IL17F: variants seen among roughly 807,000 people sequenced by gnomAD.
IL17F encodes the protein interleukin-17F.
Under a neutral mutation model 8.3 loss-of-function variants are expected in IL17F, and 6 were observed. The observed-to-expected ratio is 0.73, with a 90% CI of 0.40 to 1.43. The LOEUF is 1.43. Among genes scored for constraint, IL17F ranks in the 40% most tolerant of loss-of-function variants. The pLI, the probability that IL17F is intolerant of heterozygous loss-of-function variation, is 0.02. For synonymous variants in IL17F, 98 were observed against 81.6 expected, an observed-to-expected ratio of 1.20 and a Z score of -1.08; for missense variants, 204 against 209.6, an observed-to-expected ratio of 0.97 and a Z score of 0.17.
intron 1 of IL17F, among the ~76,000 whole-genome samples, chr6:52,243,263 C>G (rs1162718754): frequency 1.3e-5 from 2 of 152,146 alleles, no homozygotes; most frequent in African/African-American, 4.8e-5. Flanking sequence ...TAATATGATG[C>G]GGGATTTCCT....
At position 52,238,949 on chromosome 6, in the gene IL17F, A is replaced by T. The variant is rs1480169308; in HGVS notation, c.35T>A (p.Val12Asp). Residue 12 changes from valine (V) to aspartate (D), a missense_variant and splice_region_variant, in exon 2 of 3, where the codon GTC (valine) becomes GAC (aspartate). Physicochemically the swap from Val to Asp is radical, Grantham distance 152. Transcript: ENST00000336123. ...CAATATCGACAGCAGCAAGTACTTG[A>T]CCTGGAAAATAGAAGACGCTGCAAT... Reference protein sequence around the residue: ...TVKTLHGPAMVKYLLLSILGL... With the variant: ...TVKTLHGPAMDKYLLLSILGL... 10 of 1,612,792 alleles carry T rather than the reference A, an allele frequency of 6.2e-6. No homozygotes were observed. The highest frequency in any genetic ancestry group is 2.2e-5 in the South Asian group (2 of 91,010).
chr6:52,243,868 T>C (rs1476288890), intron 1 of IL17F, among the ~76,000 whole-genome samples: 2 of 152,150 alleles, frequency 1.3e-5, no homozygotes, highest in Non-Finnish European at 2.9e-5. Flanking sequence ...GTTCAAGCCA[T>C]TCTCCTGCCT....
chr6:52,237,263 G>T, intron 2 of IL17F, 95 bp from the exon 3 acceptor site: 1 of 940,976 alleles, frequency 1.1e-6, no homozygotes, highest in Non-Finnish European at 1.7e-6. Context: ...CCTGCAGGGA[G>T]GCAGTTCTGC....
chr6:52,244,609 G>T, upstream of IL17F: 1 of 608,330 alleles, frequency 1.6e-6, no homozygotes, highest in South Asian at 1.9e-5. Context: ...CGAATGCAGG[G>T]GTTTTTTTTT....
intron 2 of IL17F, 62 bp downstream of exon 2, chr6:52,238,668 T>A: frequency 1.5e-6 from 2 of 1,342,084 alleles, no homozygotes; most frequent in Non-Finnish European, 2.1e-6. Context: ...TTCTACTTTA[T>A]GATTAGAATG....
intron 2 of IL17F, 124 bp downstream of exon 2, chr6:52,238,606 T>A (rs1317296016): frequency 1.5e-5 from 14 of 906,518 alleles, no homozygotes; most frequent in Non-Finnish European, 2.4e-5. Context: ...TAAAGTGAAA[T>A]TTTCATTGTT....
At chr6:52,239,353 A>G (rs1398970251) in intron 1 of IL17F, among the ~76,000 whole-genome samples, 1 of 152,226 alleles carries the variant, frequency 6.6e-6, no homozygotes, top group African/African-American at 2.4e-5. Context: ...ACACCTATAA[A>G]TCTGTATAAG....
rs1312601839 is a variant in IL17F at position 52,236,949 on chromosome 6, G to A, written c.474C>T (p.Val158=). The A allele has an allele frequency of 2.5e-6, 4 of 1,613,846 alleles. No homozygotes were observed. In the South Asian group the frequency reaches 3.3e-5, roughly 13 times the overall value. ...VTVGCTCVTP[V]IHHVQ is the part of the protein sequence containing the mutation. ...GCACCTCTTACTGCACATGGTGGATGACAGGGGTGACGCAGGTGCAGCCAA... is the reference window on the plus strand; with the variant it reads ...GCACCTCTTACTGCACATGGTGGATAACAGGGGTGACGCAGGTGCAGCCAA... The change falls in exon 3 of 3, where the codon GTC becomes GTT. Residue 158 remains valine (V), a synonymous_variant. Coordinates refer to ENST00000336123, the MANE Select transcript of IL17F (RefSeq NM_052872.4).
At chr6:52,237,681 A>G (rs564744646) in intron 2 of IL17F, among the ~76,000 whole-genome samples, 3 of 152,136 alleles carry the variant, frequency 2.0e-5, no homozygotes, top group Admixed American at 2.0e-4. Flanking sequence ...CTGGAGGCAT[A>G]AAGACCACAA....
intron 2 of IL17F, 69 bp from the exon 3 acceptor site, chr6:52,237,237 C>T: frequency 8.4e-7 from 1 of 1,195,342 alleles, no homozygotes; most frequent in Non-Finnish European, 1.2e-6. Flanking sequence ...GAGAGCCCCA[C>T]AGCACTGAGT....
At chr6:52,240,999 C>T (rs965481159) in intron 1 of IL17F, among the ~76,000 whole-genome samples, 13 of 152,134 alleles carry the variant, frequency 8.5e-5, no homozygotes, top group African/African-American at 2.9e-4. Context: ...CTATATTGTG[C>T]TACACAGTGG....
chr6:52,238,923 C>G lies in IL17F; in HGVS notation c.61G>C (p.Gly21Arg), dbSNP rs779381932. 1 of 1,613,462 alleles carries G rather than the reference C, an allele frequency of 6.2e-7. No homozygotes were observed. Among genetic ancestry groups the G allele is most frequent in the South Asian group, 1.1e-5 (1 of 91,042 alleles). ...MVKYLLLSILGLAFLSEAAAR... is the reference protein window; with the variant it reads ...MVKYLLLSILRLAFLSEAAAR... ...GCCGCCTCACTCAGAAAGGCAAGCC[C>G]CAATATCGACAGCAGCAAGTACTTG... Residue 21 changes from glycine (G) to arginine (R), a missense_variant, in exon 2 of 3, where the codon GGG (glycine) becomes CGG (arginine). Physicochemically the swap from Gly to Arg is moderately radical, Grantham distance 125 (BLOSUM62 -2). Coordinates refer to ENST00000336123, the MANE Select transcript of IL17F (RefSeq NM_052872.4).
At chr6:52,244,311 C>A in intron 1 of IL17F, 86 bp downstream of exon 1, 1 of 1,277,278 alleles carries the variant, frequency 7.8e-7, no homozygotes, top group Non-Finnish European at 1.1e-6. Context: ...CCAAAAAGAC[C>A]CCAATCAAAC....
chr6:52,244,563 A>G (rs1764129819), upstream of IL17F: 2 of 855,514 alleles, frequency 2.3e-6, no homozygotes, highest in Non-Finnish European at 3.9e-6. Flanking sequence ...TGACCTGCTT[A>G]CTGTCTTTAA....
At chr6:52,241,144 T>A (rs999239061) in intron 1 of IL17F, among the ~76,000 whole-genome samples, 1 of 152,140 alleles carries the variant, frequency 6.6e-6, no homozygotes, top group African/African-American at 2.4e-5. Context: ...AGTGGCACAA[T>A]CTTGGTTTAC....
At chr6:52,241,442 C>T (rs1764073202) in intron 1 of IL17F, among the ~76,000 whole-genome samples, 2 of 152,040 alleles carry the variant, frequency 1.3e-5, no homozygotes, top group Admixed American at 6.6e-5. Context: ...CTTCCCAAGC[C>T]TACCAATCAC....
chr6:52,236,965 G>GTGC lies in IL17F; in HGVS notation c.455_457dup (p.Cys152_Thr153insSer), dbSNP rs1562358434. 6 of 1,614,176 alleles carry GTGC rather than the reference G, an allele frequency of 3.7e-6. No homozygotes were observed. The highest frequency in any genetic ancestry group is 5.1e-6 in the Non-Finnish European group (6 of 1,180,002). On this transcript the variant is annotated inframe_insertion, in exon 3 of 3. Transcript: ENST00000336123. ...ATGGTGGATGACAGGGGTGACGCAG[G>GTGC]TGCAGCCAACAGTCACCAGCACCTT...
At position 52,236,798 on chromosome 6, in the gene IL17F, G is replaced by C; in HGVS notation, c.*133C>G. ...CACACATACATTGTGAATATTTTCTGTTTCCATCCGTGCAGGTCTTATTAA... is the reference window on the plus strand; with the variant it reads ...CACACATACATTGTGAATATTTTCTCTTTCCATCCGTGCAGGTCTTATTAA... On this transcript the variant is annotated 3_prime_UTR_variant, in exon 3 of 3. Transcript: ENST00000336123. The C allele has an allele frequency of 1.3e-6, 1 of 777,506 alleles. No homozygotes were observed. Among genetic ancestry groups the C allele is most frequent in the Non-Finnish European group, 2.3e-6 (1 of 425,552 alleles). 48.2% of individuals were successfully genotyped at this position (777,506 alleles called of 1,614,324 possible).
Position 52,237,035 on chromosome 6 carries a change from C to T in IL17F, c.388G>A (p.Val130Ile), listed in dbSNP as rs141798304. ...GAGCAGCCTTGGTGCTTCCTCCGGA[C>T]GACCAGGGTCTCTTGCTGGATGGGA... The part of the protein sequence containing the change: ...SVPIQQETLV[V>I]RRKHQGCSVS... The change falls in exon 3 of 3, where the codon GTC (valine) becomes ATC (isoleucine). Residue 130 changes from valine to isoleucine, a missense_variant. Coordinates refer to ENST00000336123, the MANE Select transcript of IL17F (RefSeq NM_052872.4). 4.2e-4 allele frequency: 680 copies of T among 1,614,116 alleles called. No individual in the cohort carries two copies. The highest frequency in any genetic ancestry group is 5.3e-4 in the Non-Finnish European group (628 of 1,180,038).
Sources: gnomAD v4.1 joint callset for allele counts (sites outside exome capture counted in the v4.1 genomes callset) on GRCh38, gnomAD v4.1.1 for gene constraint, MANE v1.5 for transcripts, NCBI Gene and HGNC (gene_info 2026-07-23, HGNC 2026-07-21) for gene names.